KLHDC4: variants seen among roughly 807,000 people sequenced by gnomAD.
KLHDC4 encodes kelch domain-containing protein 4.
In KLHDC4, 90 loss-of-function variants were observed where a neutral mutation model predicts 62.4. That is an observed-to-expected ratio of 1.44 (90% CI 1.22 to 1.72). The LOEUF (loss-of-function observed/expected upper bound fraction) is 1.72, where lower values mean the gene tolerates loss of function less well. Among genes scored for constraint, KLHDC4 ranks in the 40% most tolerant of loss-of-function variants. The pLI, the probability that KLHDC4 is intolerant of heterozygous loss-of-function variation, is 0.00. For missense variants in KLHDC4, 1,025 were observed against 699.7 expected (o/e 1.47, Z -5.25); for synonymous variants, 386 against 284.4 (o/e 1.36, Z -3.59).
At chr16:87,732,040 G>C (rs564037754) in intron 5 of KLHDC4, among the ~76,000 whole-genome samples, 1 of 152,240 alleles carries the variant, frequency 6.6e-6, no homozygotes, top group Admixed American at 6.5e-5. Flanking sequence ...ACAGCTCTCT[G>C]GGGTGACAAG....
chr16:87,714,631 C>A, intron 7 of KLHDC4, 58 bp from the exon 8 acceptor site: 10 of 1,569,436 alleles, frequency 6.4e-6, no homozygotes, highest in Non-Finnish European at 7.0e-6. Flanking sequence ...TGCTTACAGA[C>A]CCCCCAACCC....
In KLHDC4 at chr16:87,725,764, G is replaced by A. The variant is rs2039255763; in HGVS notation, c.759+1001C>T. On this transcript the variant is annotated intron_variant, in intron 7 of 11. Coordinates refer to ENST00000270583, the MANE Select transcript of KLHDC4 (RefSeq NM_017566.4). ...CACATGTGAGGAGCACACACTCCAC[G>A]AGCAGATGCCAGTACACGTGCAGAG... Among the ~76,000 whole-genome samples, 3 of 152,002 alleles carry A rather than the reference G, an allele frequency of 2.0e-5. No individual in the cohort carries two copies. The South Asian group carries it at 6.2e-4, about 32-fold the overall frequency.
intron 8 of KLHDC4, among the ~76,000 whole-genome samples, chr16:87,713,242 C>T (rs887877114): frequency 5.9e-5 from 9 of 151,808 alleles, no homozygotes; most frequent in African/African-American, 2.2e-4. Context: ...CTCTGTCGCC[C>T]AGGCTGGAGT....
chr16:87,756,158 C>T (rs1240599457), intron 3 of KLHDC4: 5 of 371,932 alleles, frequency 1.3e-5, no homozygotes, highest in East Asian at 4.2e-5. Context: ...AGAGTGATGA[C>T]GGCAGAGCTG....
chr16:87,722,877 C>T (rs189189081), intron 7 of KLHDC4, among the ~76,000 whole-genome samples: 9 of 152,372 alleles, frequency 5.9e-5, no homozygotes, highest in Non-Finnish European at 1.0e-4. Context: ...TCCAAGCCAC[C>T]TCTACTTGCT....
chr16:87,702,569 C>T (rs1186042632), exon 1 of KLHDC4: 3 of 344,078 alleles, frequency 8.7e-6, no homozygotes, highest in African/African-American at 6.4e-5. Flanking sequence ...GCTGACCTCT[C>T]TAGCAGGACT....
rs1176133773 is a variant in KLHDC4 at position 87,735,026 on chromosome 16, C to T, written c.507-4382G>A. On this transcript the variant is annotated intron_variant, in intron 5 of 11. Coordinates refer to ENST00000270583, the MANE Select transcript of KLHDC4 (RefSeq NM_017566.4). ...CCCCTCCCCCTCCTGACGAATTGCC[C>T]GACGCCCCCTCCCCCCCAGACGAAT... Among the ~76,000 whole-genome samples the T allele has an allele frequency of 3.4e-5, 4 of 118,068 alleles. No individual in the cohort carries two copies. In the East Asian group the frequency reaches 7.6e-4, roughly 22 times the overall value. The allele number at this position is 118,068 out of a possible 152,430, so 77.5% of individuals were successfully genotyped here.
intron 7 of KLHDC4, among the ~76,000 whole-genome samples, chr16:87,714,922 C>T (rs189575436): frequency 3.9e-5 from 6 of 152,334 alleles, no homozygotes; most frequent in Admixed American, 6.5e-5. Context: ...TTCCTGATCC[C>T]GGTGGATCCC....
At position 87,756,432 on chromosome 16, in the gene KLHDC4, G is replaced by C. The variant is rs746156990; in HGVS notation, c.237C>G (p.Ile79Met). The C allele has an allele frequency of 1.9e-6, 3 of 1,613,652 alleles. No individual in the cohort carries two copies. Among genetic ancestry groups the C allele is most frequent in the South Asian group, 2.2e-5 (2 of 91,070 alleles). Reference sequence around the variant, plus strand: ...CGTTGAAATATTCACCTCCAAAAAGGATTAACTCATCTTTCTCAGGATGAA... The same window carrying C: ...CGTTGAAATATTCACCTCCAAAAAGCATTAACTCATCTTTCTCAGGATGAA... The part of the protein sequence containing the change: ...LSVHPEKDEL[I>M]LFGGEYFNGQ... Residue 79 changes from isoleucine to methionine, a missense_variant, in exon 3 of 12, where the codon ATC (isoleucine) becomes ATG (methionine). Transcript: ENST00000270583.
intron 3 of KLHDC4, 41 bp from the exon 4 acceptor site, chr16:87,755,333 G>T: frequency 9.4e-7 from 1 of 1,059,444 alleles, no homozygotes; most frequent in Non-Finnish European, 1.5e-6. Flanking sequence ...CAAATGATAC[G>T]CTTCCAAGGA....
intron 2 of KLHDC4, among the ~76,000 whole-genome samples, chr16:87,760,606 CAAAAAAAAA>C (rs546426686): frequency 7.7e-5 from 4 of 52,162 alleles, no homozygotes; most frequent in Non-Finnish European, 1.5e-4. Context: ...GACTCCGTCC[CAAAAAAAAA>C]AAAAAAAAAA....
chr16:87,758,958 C>A (rs573037935), intron 2 of KLHDC4, among the ~76,000 whole-genome samples: 76 of 152,200 alleles, frequency 5.0e-4, no homozygotes, highest in African/African-American at 1.8e-3. Flanking sequence ...GGCGGATCAC[C>A]TGAGGTGGGG....
At chr16:87,706,369 T>G (rs774104052), downstream of KLHDC4, among the ~76,000 whole-genome samples, 61 of 86,202 alleles carry the variant, frequency 7.1e-4, no homozygotes, top group Non-Finnish European at 1.1e-3. Context: ...GCTGCAGCCC[T>G]TGGGGGGGTC....
chr16:87,757,714 A>C (rs1036050907), intron 2 of KLHDC4, among the ~76,000 whole-genome samples: 1 of 150,396 alleles, frequency 6.6e-6, no homozygotes, highest in Non-Finnish European at 1.5e-5. Context: ...ACACGGTGAA[A>C]CCCCCCGTCT....
chr16:87,740,563 C>T (rs1567765963), intron 5 of KLHDC4: 1 of 152,192 alleles, frequency 6.6e-6, no homozygotes, highest in African/African-American at 2.4e-5. Flanking sequence ...AGCTGTGACC[C>T]ATCTCCACCA....
chr16:87,752,025 G>A (rs923453066), intron 4 of KLHDC4, among the ~76,000 whole-genome samples: 4 of 141,346 alleles, frequency 2.8e-5, no homozygotes, highest in South Asian at 2.4e-4. Flanking sequence ...GGGAGGCGGA[G>A]GTTGCAGTGA....
chr16:87,728,073 G>C lies in KLHDC4; in HGVS notation c.600-1149C>G, dbSNP rs148565314. 1.7e-4 allele frequency among the ~76,000 whole-genome samples: 26 copies of C among 152,296 alleles called. No homozygotes were observed. The East Asian group carries it at 5.0e-3, about 29-fold the overall frequency. On this transcript the variant is annotated intron_variant, in intron 6 of 11. Coordinates refer to ENST00000270583, the MANE Select transcript of KLHDC4 (RefSeq NM_017566.4). ...ATGGGGGCGGGTGCCTATAATCCCAGCTACTCAGGAGGCTGAGGCACGAGA... is the reference window on the plus strand; with the variant it reads ...ATGGGGGCGGGTGCCTATAATCCCACCTACTCAGGAGGCTGAGGCACGAGA...
chr16:87,729,621 A>G (rs572004155), intron 6 of KLHDC4, among the ~76,000 whole-genome samples: 1 of 152,378 alleles, frequency 6.6e-6, no homozygotes, highest in East Asian at 1.9e-4. Context: ...GGCCTAAAAC[A>G]ATGAGAGAGC....
downstream of KLHDC4, among the ~76,000 whole-genome samples, chr16:87,704,173 C>T (rs549690021): frequency 2.6e-5 from 4 of 152,380 alleles, no homozygotes; most frequent in East Asian, 5.8e-4. Context: ...CTCCAACACC[C>T]GAGTGCCACG....
Sources: gnomAD v4.1 joint callset for allele counts (sites outside exome capture counted in the v4.1 genomes callset) on GRCh38, gnomAD v4.1.1 for gene constraint, MANE v1.5 for transcripts, NCBI Gene and HGNC (gene_info 2026-07-23, HGNC 2026-07-21) for gene names.